The following DNAAF5 variants were observed in gnomAD, a reference collection of about 807,000 sequenced individuals.
DNAAF5 encodes the protein dynein axonemal assembly factor 5, also known as HEAT repeat containing 2.
DNAAF5 carries 64 observed loss-of-function variants against 75.8 expected under a neutral mutation model. The ratio of observed to expected loss-of-function variants is 0.84; its 90% CI spans 0.69 to 1.04. DNAAF5 has a LOEUF of 1.04. DNAAF5 is among the 50% of genes least tolerant of loss of function. The pLI is 0.00. For missense variants in DNAAF5, 1,269 were observed against 1,178.5 expected, an observed-to-expected ratio of 1.08 and a Z score of -1.12; for synonymous variants, 657 against 557.2, an observed-to-expected ratio of 1.18 and a Z score of -2.52.
At chr7:729,601 C>G (rs565959099) in intron 1 of DNAAF5, 62 bp from the exon 2 acceptor site, 1 of 1,531,910 alleles carries the variant, frequency 6.5e-7, no homozygotes, top group East Asian at 2.4e-5. Context: ...TCTGGAAGCC[C>G]ACAGAGCTGG....
intron 6 of DNAAF5, 143 bp downstream of exon 6, chr7:757,137 G>A (rs1026121635): frequency 8.1e-5 from 61 of 753,798 alleles, no homozygotes; most frequent in African/African-American, 3.7e-4. Flanking sequence ...CTGTGGGTCC[G>A]CCCCGTGCCG....
intron 4 of DNAAF5, among the ~76,000 whole-genome samples, chr7:746,970 G>C (rs1473475260): frequency 1.3e-5 from 2 of 152,244 alleles, no homozygotes; most frequent in Non-Finnish European, 2.9e-5. Flanking sequence ...ACCTGTGTCT[G>C]CAGCACTTTC....
chr7:762,888 A>G (rs1782709182), intron 7 of DNAAF5, among the ~76,000 whole-genome samples: 2 of 152,214 alleles, frequency 1.3e-5, no homozygotes, highest in Non-Finnish European at 2.9e-5. Context: ...GGCTGGGATC[A>G]TAGGCATGAG....
chr7:750,558 C>A (rs1162760885), intron 4 of DNAAF5, among the ~76,000 whole-genome samples: 1 of 152,200 alleles, frequency 6.6e-6, no homozygotes, highest in African/African-American at 2.4e-5. Context: ...AGGTCCCTCA[C>A]ACGCACAGTT....
At chr7:759,371 G>A (rs369200609) in intron 6 of DNAAF5, among the ~76,000 whole-genome samples, 1 of 152,146 alleles carries the variant, frequency 6.6e-6, no homozygotes, top group South Asian at 2.1e-4. Context: ...CTCGACAGAC[G>A]GGAACTGGAG....
chr7:767,455 A>G (rs181739477), intron 8 of DNAAF5, among the ~76,000 whole-genome samples: 111 of 152,342 alleles, frequency 7.3e-4, no homozygotes, highest in African/African-American at 2.2e-3. Context: ...GGAAAAAGCT[A>G]TGCACCCAAA....
At chr7:750,462 T>TG (rs1392840239) in intron 4 of DNAAF5, among the ~76,000 whole-genome samples, 3 of 152,156 alleles carry the variant, frequency 2.0e-5, no homozygotes, top group Admixed American at 6.5e-5. Context: ...TTTCCATGGG[T>TG]GGGGCAGGGA....
chr7:749,052 GC>G (rs1453921852), intron 4 of DNAAF5, among the ~76,000 whole-genome samples: 1 of 152,174 alleles, frequency 6.6e-6, no homozygotes, highest in Admixed American at 6.5e-5. Context: ...TTTGTTGTTA[GC>G]TTTGCAGACA....
At chr7:775,536 GTGTA>G (rs1228536114) in intron 11 of DNAAF5, among the ~76,000 whole-genome samples, 1 of 141,368 alleles carries the variant, frequency 7.1e-6, no homozygotes, top group Admixed American at 7.1e-5. Context: ...GTGTGTGTGT[GTGTA>G]TGGCTACATA....
chr7:736,761 C>T (rs191416582), intron 2 of DNAAF5, among the ~76,000 whole-genome samples: 16 of 152,158 alleles, frequency 1.1e-4, no homozygotes, highest in African/African-American at 3.6e-4. Flanking sequence ...CTGGTTGTTT[C>T]GTGGTCTGCT....
chr7:779,960 A>C lies in DNAAF5; in HGVS notation c.2247A>C (p.Leu749Phe). ...CTCGCTCCCTCCTTCCAGAACTCTT[A>C]AAACGCCTAGATGACGTGTCCAACG... is the stretch of plus-strand genomic sequence containing the variant. Reference protein sequence around the residue: ...EKLIRIYPELLKRLDDVSNDV... With the variant: ...EKLIRIYPELFKRLDDVSNDV... The change falls in exon 12 of 13, where the codon TTA (leucine) becomes TTC (phenylalanine). Residue 749 changes from leucine (L) to phenylalanine (F), a missense_variant. Coordinates refer to ENST00000297440, the MANE Select transcript of DNAAF5 (RefSeq NM_017802.4). 6.2e-7 allele frequency: 1 copy of C among 1,613,992 alleles called. No homozygotes were observed. Among genetic ancestry groups the C allele is most frequent in the Non-Finnish European group, 8.5e-7 (1 of 1,179,898 alleles).
chr7:780,928 G>A (rs1171218570), intron 12 of DNAAF5, among the ~76,000 whole-genome samples: 3 of 147,174 alleles, frequency 2.0e-5, no homozygotes, highest in East Asian at 4.0e-4. Context: ...ACACATAGGT[G>A]TATATAAGGC....
intron 8 of DNAAF5, among the ~76,000 whole-genome samples, chr7:770,002 A>C (rs907983586): frequency 6.6e-6 from 1 of 152,098 alleles, no homozygotes; most frequent in African/African-American, 2.4e-5. Context: ...CCCAGGCTGG[A>C]GTGCAGTGGC....
rs1021759816 is a variant in DNAAF5, at chr7:744,799, C to T, written c.1024+3334C>T. On this transcript the variant is annotated intron_variant, in intron 4 of 12. Transcript: ENST00000297440. ...TGTATTTTTAATAGAGACAGGGTTT[C>T]GCCATGTTGGTCAGGGTGGTCTCGA... Among the ~76,000 whole-genome samples the T allele has an allele frequency of 1.7e-4, 26 of 152,118 alleles. 1 individual carries two copies. Among genetic ancestry groups the T allele is most frequent in the Admixed American group, 2.0e-4 (3 of 15,264 alleles).
At chr7:784,291 TCTC>T (rs1255509144) in intron 12 of DNAAF5, among the ~76,000 whole-genome samples, 4 of 152,126 alleles carry the variant, frequency 2.6e-5, no homozygotes, top group South Asian at 2.1e-4. Flanking sequence ...TCAGAGCTCT[TCTC>T]CTGGCCTCAG....
intron 7 of DNAAF5, among the ~76,000 whole-genome samples, chr7:763,449 C>T (rs948847351): frequency 2.6e-5 from 4 of 152,150 alleles, no homozygotes; most frequent in African/African-American, 9.7e-5. Flanking sequence ...GCCACTTGCC[C>T]GCCCCTCTCT....
Position 779,762 on chromosome 7 carries a change from G to A in DNAAF5, c.2240-191G>A, listed in dbSNP as rs954394701. 7 of 579,368 alleles carry A rather than the reference G, an allele frequency of 1.2e-5. No homozygotes were observed. In the South Asian group the frequency reaches 1.4e-4, roughly 12 times the overall value. The allele number at this position is 579,368 out of a possible 1,614,324, so 35.9% of individuals were successfully genotyped here. ...GGCCGCCTCCACTCTGTTGGCTGGGGTTCAGGGGTCCCAGGTCGCCAGGAG... is the reference window on the plus strand; with the variant it reads ...GGCCGCCTCCACTCTGTTGGCTGGGATTCAGGGGTCCCAGGTCGCCAGGAG... On this transcript the variant is annotated intron_variant, in intron 11 of 12. Coordinates refer to ENST00000297440, the MANE Select transcript of DNAAF5 (RefSeq NM_017802.4).
At chr7:760,995 TG>T (rs1334766158) in intron 6 of DNAAF5, among the ~76,000 whole-genome samples, 1 of 152,240 alleles carries the variant, frequency 6.6e-6, no homozygotes, top group Non-Finnish European at 1.5e-5. Context: ...TCTGCCTGCC[TG>T]GGGCCACTTT....
At chr7:774,652 C>T (rs1294286681) in intron 10 of DNAAF5, among the ~76,000 whole-genome samples, 1 of 152,100 alleles carries the variant, frequency 6.6e-6, no homozygotes, top group Non-Finnish European at 1.5e-5. Context: ...GGCGGGAAGG[C>T]GCTGCCCTGG....
Sources: allele counts gnomAD v4.1 joint callset (sites outside exome capture counted in the v4.1 genomes callset), GRCh38; gene constraint gnomAD v4.1.1; transcripts MANE v1.5; gene names NCBI Gene and HGNC (gene_info 2026-07-23, HGNC 2026-07-21).